Variants in ATP2B2 observed in about 807,000 individuals in gnomAD.
The protein encoded by ATP2B2 is ATPase plasma membrane Ca2+ transporting 2.
ATP2B2 carries 15 observed loss-of-function variants against 120.0 expected under a neutral mutation model. The ratio of observed to expected loss-of-function variants is 0.12; its 90% CI spans 0.08 to 0.19. The LOEUF (loss-of-function observed/expected upper bound fraction) is 0.19, where lower values mean the gene tolerates loss of function less well. Ranked by LOEUF, ATP2B2 falls within the 10% of genes least tolerant of loss-of-function variation. The pLI is 1.00. For missense variants in ATP2B2, 1,045 were observed against 1,719.8 expected (o/e 0.61, Z 6.94); for synonymous variants, 694 against 700.3 (o/e 0.99, Z 0.14).
At chr3:10,523,758 G>A (rs1045163874) in intron 3 of ATP2B2, among the ~76,000 whole-genome samples, 13 of 151,892 alleles carry the variant, frequency 8.6e-5, no homozygotes, top group African/African-American at 3.1e-4. Context: ...CAGGGGAGAG[G>A]AGAACTTGGC....
chr3:10,350,691 G>A, intron 14 of ATP2B2, 114 bp from the exon 15 acceptor site: 2 of 1,138,760 alleles, frequency 1.8e-6, no homozygotes, highest in East Asian at 2.5e-5. Flanking sequence ...AAGGGGACTA[G>A]ATGACTATGA....
rs866702511 is a variant in ATP2B2, at chr3:10,482,063, G to A, written c.-320+23402C>T. Among the ~76,000 whole-genome samples the A allele has an allele frequency of 8.3e-4, 127 of 152,246 alleles. No homozygotes were observed. The Middle Eastern group carries it at 0.027, about 33-fold the overall frequency. On this transcript the variant is annotated intron_variant, in intron 1 of 22. Transcript: ENST00000360273. ...GAATGTCCCAGACAAACCTGGACAC[G>A]TTAGTCCCCCTAGACTGCTTTCATT...
At chr3:10,406,542 A>G (rs1349588817) in intron 3 of ATP2B2, among the ~76,000 whole-genome samples, 1 of 152,254 alleles carries the variant, frequency 6.6e-6, no homozygotes, top group East Asian at 1.9e-4. Context: ...GTCTGGTCAC[A>G]TGCTGTGTAG....
At chr3:10,440,336 G>C (rs944634006) in intron 2 of ATP2B2, among the ~76,000 whole-genome samples, 11 of 152,098 alleles carry the variant, frequency 7.2e-5, no homozygotes, top group African/African-American at 2.7e-4. Flanking sequence ...TGTACTCAGG[G>C]CCTCATCTTA....
intron 1 of ATP2B2, among the ~76,000 whole-genome samples, chr3:10,688,806 G>A (rs116666869): frequency 0.018 from 2,729 of 152,270 alleles, 66 homozygotes; most frequent in East Asian, 0.081. Flanking sequence ...GGAATTCCTC[G>A]CTTGACTGAG....
intron 2 of ATP2B2, among the ~76,000 whole-genome samples, chr3:10,591,162 C>A (rs546141115): frequency 6.6e-6 from 1 of 152,184 alleles, no homozygotes; most frequent in African/African-American, 2.4e-5. Context: ...CCCCAGTAGA[C>A]GTCCCTGAGG....
chr3:10,326,527 G>C lies in ATP2B2; in HGVS notation c.*2287C>G, dbSNP rs996906407. ...GGGGAGATGGAAAACTGTGAGAAAG[G>C]AAACTCCAAAAAACACCATGTTCCA... On this transcript the variant is annotated 3_prime_UTR_variant, in exon 23 of 23. Transcript: ENST00000360273. 4 of 395,708 alleles carry C rather than the reference G, an allele frequency of 1.0e-5. No individual in the cohort carries two copies. The highest frequency in any genetic ancestry group is 2.1e-5 in the African/African-American group (1 of 48,566). 24.5% of individuals were successfully genotyped at this position (395,708 alleles called of 1,614,324 possible).
Position 10,350,503 on chromosome 3 carries a change from C to T in ATP2B2, c.2211G>A (p.Thr737=), listed in dbSNP as rs2060549581. The T allele has an allele frequency of 1.9e-6, 3 of 1,614,102 alleles. No individual in the cohort carries two copies. The highest frequency in any genetic ancestry group is 8.5e-7 in the Non-Finnish European group (1 of 1,180,050). ...CACACTTGATGGCGATGGCCCGAGCCGTGTTGATATTGTCGCCAGTGACCA... is the reference window on the plus strand; with the variant it reads ...CACACTTGATGGCGATGGCCCGAGCTGTGTTGATATTGTCGCCAGTGACCA... ...VRMVTGDNIN[T]ARAIAIKCGI... The change falls in exon 15 of 23, where the codon ACG becomes ACA. Residue 737 remains threonine (T), a synonymous_variant. Coordinates refer to ENST00000360273, the MANE Select transcript of ATP2B2 (RefSeq NM_001001331.4).
At chr3:10,514,671 C>T (rs553674595) in intron 3 of ATP2B2, among the ~76,000 whole-genome samples, 1 of 152,222 alleles carries the variant, frequency 6.6e-6, no homozygotes, top group Non-Finnish European at 1.5e-5. Context: ...GCCTGTTAGC[C>T]CCATAAGGAA....
At chr3:10,668,599 C>T (rs569013360) in intron 1 of ATP2B2, among the ~76,000 whole-genome samples, 4 of 152,352 alleles carry the variant, frequency 2.6e-5, no homozygotes, top group Non-Finnish European at 5.9e-5. Context: ...TCACCTCCTT[C>T]AAGTCTTTGC....
intron 5 of ATP2B2, among the ~76,000 whole-genome samples, chr3:10,391,300 T>A (rs1168431459): frequency 6.6e-6 from 1 of 152,208 alleles, no homozygotes; most frequent in Non-Finnish European, 1.5e-5. Flanking sequence ...GTTGTCTTTG[T>A]TACCTTCCAC....
chr3:10,392,275 A>G (rs2061878139), intron 5 of ATP2B2, among the ~76,000 whole-genome samples: 1 of 152,126 alleles, frequency 6.6e-6, no homozygotes, highest in Admixed American at 6.5e-5. Flanking sequence ...TGGGAATACC[A>G]ATGTCCCTAA....
chr3:10,671,046 C>T (rs764489869), intron 1 of ATP2B2, among the ~76,000 whole-genome samples: 3 of 152,272 alleles, frequency 2.0e-5, no homozygotes, highest in East Asian at 3.9e-4. Context: ...GATCCTAGAA[C>T]ATTTTAGCTC....
At chr3:10,353,100 C>T (rs1177556409) in intron 14 of ATP2B2, among the ~76,000 whole-genome samples, 1 of 152,204 alleles carries the variant, frequency 6.6e-6, no homozygotes, top group East Asian at 1.9e-4. Context: ...TTTAACACAA[C>T]CTTTCTTTTT....
chr3:10,351,069 A>G (rs763915641), intron 14 of ATP2B2, among the ~76,000 whole-genome samples: 5 of 152,238 alleles, frequency 3.3e-5, no homozygotes, highest in Admixed American at 2.6e-4. Flanking sequence ...TTACTTACAG[A>G]ATGTGACACG....
At chr3:10,504,850 C>A (rs1032962288) in intron 1 of ATP2B2, among the ~76,000 whole-genome samples, 2 of 152,170 alleles carry the variant, frequency 1.3e-5, no homozygotes, top group Admixed American at 6.5e-5. Flanking sequence ...GCCACCCGTT[C>A]CTGCCACCCT....
intron 1 of ATP2B2, among the ~76,000 whole-genome samples, chr3:10,705,848 G>C (rs960824013): frequency 2.6e-5 from 4 of 152,174 alleles, no homozygotes; most frequent in Non-Finnish European, 5.9e-5. Flanking sequence ...GACCTTCCTG[G>C]TTTATGCTCT....
At chr3:10,457,445 G>C (rs2064309556) in intron 1 of ATP2B2, among the ~76,000 whole-genome samples, 1 of 152,144 alleles carries the variant, frequency 6.6e-6, no homozygotes, top group Admixed American at 6.5e-5. Flanking sequence ...CGTGCTTTGT[G>C]TGTGGGAAAG....
chr3:10,485,430 G>A (rs1490326545), intron 1 of ATP2B2, among the ~76,000 whole-genome samples: 2 of 152,176 alleles, frequency 1.3e-5, no homozygotes, highest in African/African-American at 2.4e-5. Flanking sequence ...AAAGGAGGTG[G>A]GGGATTGCGG....
Sources: allele counts gnomAD v4.1 joint callset (sites outside exome capture counted in the v4.1 genomes callset), GRCh38; gene constraint gnomAD v4.1.1; transcripts MANE v1.5; gene names NCBI Gene and HGNC (gene_info 2026-07-23, HGNC 2026-07-21).